The following RGS22 variants were observed in gnomAD, a reference collection of about 807,000 sequenced individuals.
RGS22 encodes regulator of G-protein signaling 22.
In RGS22, 148 loss-of-function variants were observed where a neutral mutation model predicts 172.9. The ratio of observed to expected loss-of-function variants is 0.86; its 90% CI spans 0.75 to 0.98. RGS22 has a LOEUF of 0.98. Among genes scored for constraint, RGS22 ranks in the 50% least tolerant of loss-of-function variants. The pLI is 0.00. For synonymous variants in RGS22, 458 were observed against 480.2 expected (o/e 0.95, Z 0.60); for missense variants, 1,347 against 1,440.8 (o/e 0.93, Z 1.05).
chr8:100,014,601 T>G (rs1239495885), intron 14 of RGS22, among the ~76,000 whole-genome samples: 5 of 152,214 alleles, frequency 3.3e-5, no homozygotes, highest in African/African-American at 1.2e-4. Context: ...TTCCTCTGAC[T>G]TCGCCAACCC....
chr8:100,045,996 G>A (rs1235108071), intron 11 of RGS22, among the ~76,000 whole-genome samples: 2 of 151,906 alleles, frequency 1.3e-5, no homozygotes, highest in East Asian at 1.9e-4. Flanking sequence ...AGCAGACATA[G>A]GAGGAGGCAA....
At chr8:100,001,219 T>TATATATATATACACAC (rs1402594104) in intron 18 of RGS22, among the ~76,000 whole-genome samples, 3 of 132,966 alleles carry the variant, frequency 2.3e-5, no homozygotes, top group African/African-American at 8.5e-5. Context: ...TATATATATA[T>TATATATATATACACAC]ACATATATAT....
chr8:100,062,484 T>C (rs1225033967), intron 9 of RGS22, 107 bp downstream of exon 9: 5 of 718,720 alleles, frequency 7.0e-6, no homozygotes, highest in South Asian at 1.9e-5. Context: ...TACAATAGTC[T>C]TGTCATTTTA....
At chr8:100,068,107 G>A (rs917145161) in intron 6 of RGS22, among the ~76,000 whole-genome samples, 6 of 152,080 alleles carry the variant, frequency 3.9e-5, no homozygotes, top group East Asian at 3.8e-4. Flanking sequence ...TAGTTAAAGC[G>A]GCAATGTGTG....
rs1810145284 is a variant in RGS22 at position 99,961,091 on chromosome 8, T to A, written c.*151A>T. 2.5e-6 allele frequency: 1 copy of A among 395,564 alleles called. No homozygotes were observed. The highest frequency in any genetic ancestry group is 1.9e-5 in the South Asian group (1 of 53,246). The allele number at this position is 395,564 out of a possible 1,614,324, so 24.5% of individuals were successfully genotyped here. A position where few individuals can be genotyped will look rare whatever the true frequency, so the allele number is the denominator to read the frequency against. ...CTTTATTTATTTCCCACCTGGAAAA[T>A]CCAGAATCAAACTTTATTTAGATGT... On this transcript the variant is annotated 3_prime_UTR_variant, in exon 28 of 28. Transcript: ENST00000360863.
At position 100,008,459 on chromosome 8, in the gene RGS22, A is replaced by G. The variant is rs200264531; in HGVS notation, c.2277T>C (p.Phe759=). The G allele has an allele frequency of 6.2e-7, 1 of 1,613,786 alleles. No homozygotes were observed. The highest frequency in any genetic ancestry group is 8.5e-7 in the Non-Finnish European group (1 of 1,179,864). ...MKIQPPFEDL[F]DTAEEYILLL... ...GAAGGATATATTCCTCTGCTGTGTC[A>G]AAAAGGTCTTCAAATGGTGGCTGTA... Residue 759 remains phenylalanine, a synonymous_variant, in exon 15 of 28, where the codon TTT becomes TTC. Transcript: ENST00000360863.
chr8:99,996,256 A>G (rs1470804641), intron 20 of RGS22, among the ~76,000 whole-genome samples: 2 of 152,214 alleles, frequency 1.3e-5, no homozygotes, highest in African/African-American at 4.8e-5. Flanking sequence ...AACTTAAAGT[A>G]TGTATATAAA....
rs76376145 is a variant in RGS22, at chr8:100,002,105, G to T, written c.2790+97C>A. On this transcript the variant is annotated intron_variant, in intron 18 of 27. Coordinates refer to ENST00000360863, the MANE Select transcript of RGS22 (RefSeq NM_015668.5). ...TTTAACACATTAGTCATAAGCAAAA[G>T]AAAATAAAATAAGAGACTTTCAGGT... The T allele has an allele frequency of 2.7e-4, 250 of 936,612 alleles. 4 individuals are homozygous for T. The East Asian group carries it at 6.1e-3, about 23-fold the overall frequency. 58.0% of individuals were successfully genotyped at this position (936,612 alleles called of 1,614,324 possible).
Position 99,962,602 on chromosome 8 carries a change from C to A in RGS22, c.3790+85G>T, listed in dbSNP as rs1040926788. On this transcript the variant is annotated intron_variant, in intron 26 of 27. Coordinates refer to ENST00000360863, the MANE Select transcript of RGS22 (RefSeq NM_015668.5). ...GGGGTCGGTCCTCACCCCTTCCTCC[C>A]TGTACATTCTGAATGGCCAGGTGAG... 3 of 1,446,098 alleles carry A rather than the reference C, an allele frequency of 2.1e-6. No individual in the cohort carries two copies. The South Asian group carries it at 3.8e-5, about 18-fold the overall frequency. 89.6% of individuals were successfully genotyped at this position (1,446,098 alleles called of 1,614,324 possible).
intron 11 of RGS22, among the ~76,000 whole-genome samples, chr8:100,045,294 C>T (rs1376049426): frequency 1.3e-5 from 2 of 151,988 alleles, no homozygotes; most frequent in Non-Finnish European, 2.9e-5. Flanking sequence ...CTACCTTAGG[C>T]TCTATATTCC....
chr8:99,961,141 C>CA lies in RGS22; in HGVS notation c.*100dup, dbSNP rs1387518319. Reference sequence around the variant, plus strand: ...TTAGGCTTGCTCTGATACAGACCTTCAAAAAAACAAATCACTGGAGCTTCT... The same window carrying CA: ...TTAGGCTTGCTCTGATACAGACCTTCAAAAAAAACAAATCACTGGAGCTTCT... On this transcript the variant is annotated 3_prime_UTR_variant, in exon 28 of 28. Transcript: ENST00000360863. 3 of 448,882 alleles carry CA rather than the reference C, an allele frequency of 6.7e-6. No individual in the cohort carries two copies. Among genetic ancestry groups the CA allele is most frequent in the Admixed American group, 2.4e-5 (1 of 41,472 alleles). The allele number at this position is 448,882 out of a possible 1,614,324, so 27.8% of individuals were successfully genotyped here.
Position 100,063,687 on chromosome 8 carries a change from G to A in RGS22, c.1081C>T (p.His361Tyr), listed in dbSNP as rs748025858. Residue 361 changes from histidine to tyrosine, a missense_variant, in exon 8 of 28, where the codon CAT (histidine) becomes TAT (tyrosine). Physicochemically the swap from His to Tyr is moderately conservative, Grantham distance 83. Transcript: ENST00000360863. Reference sequence around the variant, plus strand: ...AATTCACTTAAAAAATTCTTGCCATGAATAGACTCAAAACAATCATCAAAT... The same window carrying A: ...AATTCACTTAAAAAATTCTTGCCATAAATAGACTCAAAACAATCATCAAAT... Reference protein sequence around the residue: ...VSFDDCFESIHGKNFLSELVQ... With the variant: ...VSFDDCFESIYGKNFLSELVQ... 9.9e-6 allele frequency: 16 copies of A among 1,613,864 alleles called. No homozygotes were observed. In the South Asian group the frequency reaches 1.6e-4, roughly 17 times the overall value.
chr8:100,004,108 T>G lies in RGS22; in HGVS notation c.2455-10A>C. ...TTTCACAAGTGGTGTCCTAGTGAAA[T>G]AGTACTTTTCAGCAAAAATCTCTTA... On this transcript the variant is annotated splice_polypyrimidine_tract_variant and intron_variant, in intron 16 of 27. Coordinates refer to ENST00000360863, the MANE Select transcript of RGS22 (RefSeq NM_015668.5). 6.3e-7 allele frequency: 1 copy of G among 1,580,872 alleles called. No individual in the cohort carries two copies. Among genetic ancestry groups the G allele is most frequent in the Non-Finnish European group, 8.6e-7 (1 of 1,163,136 alleles).
Position 99,978,040 on chromosome 8 carries a change from A to C in RGS22, c.3396T>G (p.Pro1132=). 2.0e-6 allele frequency: 3 copies of C among 1,533,994 alleles called. No individual in the cohort carries two copies. Among genetic ancestry groups the C allele is most frequent in the Non-Finnish European group, 2.6e-6 (3 of 1,152,254 alleles). Residue 1132 remains proline, a synonymous_variant, in exon 23 of 28, where the codon CCT becomes CCG. Transcript: ENST00000360863. ...TIFGVLFKFW[P]QFCEFRKNLT... The stretch of plus-strand genomic sequence containing the variant: ...AATTCTTCCTAAACTCACAGAACTG[A>C]GGCCAGAATTTAAACAGAACCCCAA...
chr8:99,986,669 T>G (rs190948869), intron 21 of RGS22, among the ~76,000 whole-genome samples: 1 of 152,190 alleles, frequency 6.6e-6, no homozygotes, highest in Admixed American at 6.5e-5. Context: ...AAATAAACTG[T>G]CTTTGTACCT....
intron 20 of RGS22, among the ~76,000 whole-genome samples, chr8:99,990,510 T>A (rs1813603684): frequency 1.3e-5 from 2 of 152,124 alleles, no homozygotes; most frequent in African/African-American, 4.8e-5. Flanking sequence ...TCCTGCAACA[T>A]TCTTGGCATG....
intron 12 of RGS22, 46 bp from the exon 13 acceptor site, chr8:100,040,133 A>AT (rs754035163): frequency 1.9e-6 from 3 of 1,556,646 alleles, no homozygotes; most frequent in Non-Finnish European, 2.6e-6. Flanking sequence ...AAACATTGTA[A>AT]TTTTTTTATG....
intron 3 of RGS22, among the ~76,000 whole-genome samples, chr8:100,081,395 T>C (rs1431432713): frequency 6.8e-6 from 1 of 148,070 alleles, no homozygotes; most frequent in East Asian, 2.0e-4. Flanking sequence ...TAAATTTTAA[T>C]GTCTCATAAT....
At chr8:100,065,868 T>C (rs960152627) in intron 7 of RGS22, among the ~76,000 whole-genome samples, 3 of 152,158 alleles carry the variant, frequency 2.0e-5, no homozygotes, top group African/African-American at 7.2e-5. Flanking sequence ...GCCAGGCATT[T>C]TCTATCCATT....
Sources: allele counts gnomAD v4.1 joint callset (sites outside exome capture counted in the v4.1 genomes callset), GRCh38; gene constraint gnomAD v4.1.1; transcripts MANE v1.5; gene names NCBI Gene and HGNC (gene_info 2026-07-23, HGNC 2026-07-21).